SKI: variants seen among roughly 807,000 people sequenced by gnomAD.
The protein encoded by SKI is SKI proto-oncogene.
A neutral mutation model predicts 59.3 loss-of-function variants in SKI; 23 were observed. The observed-to-expected ratio is 0.39, with a 90% CI of 0.28 to 0.55. The LOEUF (loss-of-function observed/expected upper bound fraction) is 0.55. Among genes scored for constraint, SKI ranks in the 20% least tolerant of loss-of-function variants. The probability of loss-of-function intolerance (pLI) is 0.67; values close to 1 mark genes in which losing one functional copy is unlikely to be tolerated. For missense variants in SKI, 1,017 were observed against 1,038.9 expected, an observed-to-expected ratio of 0.98 and a Z score of 0.29; for synonymous variants, 673 against 488.6, an observed-to-expected ratio of 1.38 and a Z score of -4.98.
chr1:2,301,994 G>T (rs1370955848), intron 1 of SKI, among the ~76,000 whole-genome samples: 2 of 152,258 alleles, frequency 1.3e-5, no homozygotes, highest in African/African-American at 4.8e-5. Flanking sequence ...TGCTTGGGAA[G>T]AGACCTTGGG....
intron 1 of SKI, among the ~76,000 whole-genome samples, chr1:2,288,295 T>G (rs1037965420): frequency 2.0e-5 from 3 of 152,216 alleles, no homozygotes; most frequent in African/African-American, 7.2e-5. Context: ...CTAATTTTTG[T>G]ATTTTTAGTA....
At chr1:2,253,596 C>T (rs982524714) in intron 1 of SKI, among the ~76,000 whole-genome samples, 1 of 152,250 alleles carries the variant, frequency 6.6e-6, no homozygotes, top group African/African-American at 2.4e-5. Flanking sequence ...GGCCTCCTCA[C>T]TTTTGTTCCT....
At chr1:2,245,877 A>C (rs1569708885) in intron 1 of SKI, among the ~76,000 whole-genome samples, 1 of 130,200 alleles carries the variant, frequency 7.7e-6, no homozygotes, top group African/African-American at 2.9e-5. Context: ...GCTCACTGCA[A>C]CCTCCGCCTC....
intron 1 of SKI, among the ~76,000 whole-genome samples, chr1:2,234,348 TGGGCTGG>T (rs1391072729): frequency 1.3e-5 from 2 of 152,076 alleles, no homozygotes; most frequent in East Asian, 3.9e-4. Context: ...CTCTGGGAGC[TGGGCTGG>T]GTCCCTCGCC....
chr1:2,241,886 G>A (rs1222063321), intron 1 of SKI, among the ~76,000 whole-genome samples: 1 of 152,214 alleles, frequency 6.6e-6, no homozygotes, highest in Non-Finnish European at 1.5e-5. Flanking sequence ...GTGTTTTCCT[G>A]CTGCTTTTCG....
chr1:2,235,120 G>A (rs915601762), intron 1 of SKI, among the ~76,000 whole-genome samples: 1 of 150,658 alleles, frequency 6.6e-6, no homozygotes, highest in Non-Finnish European at 1.5e-5. Context: ...TTGGCTCACT[G>A]CAGCCTCCGT....
chr1:2,274,415 G>T (rs145385024), intron 1 of SKI, among the ~76,000 whole-genome samples: 67 of 152,160 alleles, frequency 4.4e-4, no homozygotes, highest in African/African-American at 1.6e-3. Flanking sequence ...GCTGCGTGGG[G>T]TGCAGTTCCC....
intron 1 of SKI, chr1:2,240,775 CTGT>C (rs1384348337): frequency 7.1e-6 from 7 of 985,462 alleles, no homozygotes; most frequent in Non-Finnish European, 6.0e-6. Flanking sequence ...GCACAGCATC[CTGT>C]TGTTCGTGAG....
At chr1:2,305,420 T>G (rs996923298) in intron 5 of SKI, among the ~76,000 whole-genome samples, 5 of 151,998 alleles carry the variant, frequency 3.3e-5, no homozygotes, top group Non-Finnish European at 2.9e-5. Flanking sequence ...AGCTGCAGGG[T>G]TGCCGACGTG....
intron 1 of SKI, among the ~76,000 whole-genome samples, chr1:2,278,453 G>A (rs1639796056): frequency 6.6e-6 from 1 of 152,212 alleles, no homozygotes; most frequent in Non-Finnish European, 1.5e-5. Flanking sequence ...AGGTCCCTTG[G>A]GTCTGTCCCT....
At chr1:2,240,441 G>A (rs1198464017) in intron 1 of SKI, 17 of 970,836 alleles carry the variant, frequency 1.8e-5, no homozygotes, top group Non-Finnish European at 2.0e-5. Context: ...AGCACTTGGC[G>A]GCAAGCCACA....
intron 1 of SKI, among the ~76,000 whole-genome samples, chr1:2,240,346 A>C (rs1638843891): frequency 6.6e-6 from 1 of 152,154 alleles, no homozygotes; most frequent in African/African-American, 2.4e-5. Flanking sequence ...TGGGAGGGGC[A>C]GGCGCCTCCT....
intron 1 of SKI, among the ~76,000 whole-genome samples, chr1:2,232,927 CTCTT>C (rs761344891): frequency 2.2e-4 from 34 of 152,304 alleles, no homozygotes; most frequent in Non-Finnish European, 4.3e-4. Flanking sequence ...ACTCCCACCC[CTCTT>C]TCTTCTTTCC....
intron 1 of SKI, among the ~76,000 whole-genome samples, chr1:2,241,134 C>G (rs1638861369): frequency 6.6e-6 from 1 of 152,228 alleles, no homozygotes; most frequent in Non-Finnish European, 1.5e-5. Flanking sequence ...CACTTCACTC[C>G]AGGGCACAGA....
intron 1 of SKI, among the ~76,000 whole-genome samples, chr1:2,262,576 C>T (rs260505): frequency 3.3e-5 from 5 of 151,140 alleles, no homozygotes; most frequent in Non-Finnish European, 5.9e-5. Context: ...GAGTGGTGGG[C>T]GTGGACGCCC....
intron 1 of SKI, among the ~76,000 whole-genome samples, chr1:2,262,553 A>G (rs1457474797): frequency 4.6e-5 from 7 of 151,522 alleles, no homozygotes; most frequent in African/African-American, 1.7e-4. Context: ...GCGTGGAATC[A>G]GAGTTTGGGT....
At chr1:2,272,922 A>T (rs1039757034) in intron 1 of SKI, among the ~76,000 whole-genome samples, 18 of 151,644 alleles carry the variant, frequency 1.2e-4, no homozygotes, top group African/African-American at 4.1e-4. Context: ...GCGGAGGGGG[A>T]GGTGGTAGGC....
At chr1:2,232,831 T>C (rs1638668265) in intron 1 of SKI, among the ~76,000 whole-genome samples, 1 of 152,216 alleles carries the variant, frequency 6.6e-6, no homozygotes, top group African/African-American at 2.4e-5. Context: ...TTGGACTTTA[T>C]GTTTTGAGTG....
At chr1:2,245,861 G>C (rs1638983655) in intron 1 of SKI, among the ~76,000 whole-genome samples, 1 of 130,100 alleles carries the variant, frequency 7.7e-6, no homozygotes, top group African/African-American at 2.9e-5. Flanking sequence ...CGGTGGCACA[G>C]TCTCGGCTCA....
Sources: gnomAD v4.1 joint callset for allele counts (sites outside exome capture counted in the v4.1 genomes callset) on GRCh38, gnomAD v4.1.1 for gene constraint, MANE v1.5 for transcripts, NCBI Gene and HGNC (gene_info 2026-07-23, HGNC 2026-07-21) for gene names.